Variants in VWC2L observed in about 807,000 individuals in gnomAD.
VWC2L encodes von Willebrand factor C domain-containing protein 2-like.
VWC2L carries 10 observed loss-of-function variants against 21.6 expected under a neutral mutation model. The observed-to-expected ratio is 0.46, with a 90% CI of 0.29 to 0.78. The LOEUF is 0.78. Among genes scored for constraint, VWC2L ranks in the 30% least tolerant of loss-of-function variants. The probability of loss-of-function intolerance (pLI) is 0.10; values close to 1 mark genes in which losing one functional copy is unlikely to be tolerated. For synonymous variants in VWC2L, 96 were observed against 94.3 expected (o/e 1.02, Z -0.10); for missense variants, 209 against 277.1 (o/e 0.75, Z 1.74).
chr2:214,433,725 G>A (rs995464866), intron 2 of VWC2L, among the ~76,000 whole-genome samples: 1 of 152,212 alleles, frequency 6.6e-6, no homozygotes, highest in South Asian at 2.1e-4. Context: ...TGCTGTTCAA[G>A]CAGTATCTTT....
intron 3 of VWC2L, among the ~76,000 whole-genome samples, chr2:214,467,099 C>T (rs1374983439): frequency 6.6e-6 from 1 of 152,214 alleles, no homozygotes; most frequent in Non-Finnish European, 1.5e-5. Context: ...ATTTGTTCAG[C>T]ATTACCAGTA....
intron 3 of VWC2L, among the ~76,000 whole-genome samples, chr2:214,464,267 T>A (rs1484989871): frequency 6.6e-6 from 1 of 152,156 alleles, no homozygotes; most frequent in Non-Finnish European, 1.5e-5. Context: ...GTCTTCATAG[T>A]CTGGGCTTGT....
intron 3 of VWC2L, among the ~76,000 whole-genome samples, chr2:214,446,488 G>A (rs115990783): frequency 2.4e-4 from 36 of 152,184 alleles, no homozygotes; most frequent in African/African-American, 8.4e-4. Flanking sequence ...TTAGATTTTA[G>A]AAGTATTATT....
rs560705102 is a variant in VWC2L at position 214,565,486 on chromosome 2, T to A, written c.521-10186T>A. 5.9e-5 allele frequency among the ~76,000 whole-genome samples: 9 copies of A among 152,334 alleles called. No homozygotes were observed. In the East Asian group the frequency reaches 1.7e-3, roughly 29 times the overall value. On this transcript the variant is annotated intron_variant, in intron 3 of 3. Coordinates refer to ENST00000312504, the MANE Select transcript of VWC2L (RefSeq NM_001080500.4). ...TACCTCCCCTGACCCTACCTAATGA[T>A]GTGCTGTCTATTCAGATGTTTTCAT...
intron 3 of VWC2L, among the ~76,000 whole-genome samples, chr2:214,537,923 G>A (rs1474307147): frequency 7.3e-6 from 1 of 136,338 alleles, no homozygotes; most frequent in Non-Finnish European, 1.6e-5. Context: ...TTTTTGGTGG[G>A]CTTGCCACGT....
At position 214,414,471 on chromosome 2, in the gene VWC2L, T is replaced by A; in HGVS notation, c.278T>A (p.Ile93Asn). The change falls in exon 2 of 4, where the codon ATT (isoleucine) becomes AAT (asparagine). Residue 93 changes from isoleucine (I) to asparagine (N), a missense_variant. Physicochemically the swap from Ile to Asn is moderately radical, Grantham distance 149. Coordinates refer to ENST00000312504, the MANE Select transcript of VWC2L (RefSeq NM_001080500.4). ...PVCDQPECPK[I>N]HPKCTKVEHN... is the part of the protein sequence containing the mutation. ...TGCGACCAACCAGAATGCCCTAAAA[T>A]TCACCCAAAGTGTACTAAAGTGGAA... is the stretch of plus-strand genomic sequence containing the variant. The A allele has an allele frequency of 6.2e-7, 1 of 1,613,536 alleles. No homozygotes were observed. Among genetic ancestry groups the A allele is most frequent in the Non-Finnish European group, 8.5e-7 (1 of 1,179,668 alleles).
In VWC2L at chr2:214,421,808, T is replaced by C. The variant is rs1003562327; in HGVS notation, c.390+7225T>C. Among the ~76,000 whole-genome samples the C allele has an allele frequency of 2.0e-5, 3 of 151,682 alleles. No homozygotes were observed. The East Asian group carries it at 5.8e-4, about 29-fold the overall frequency. On this transcript the variant is annotated intron_variant, in intron 2 of 3. Transcript: ENST00000312504. ...GTTAAAAAAAATTGCCTATTTTTAA[T>C]TGTTTCTCCTCACCAAAAGACAGAA... is the stretch of plus-strand genomic sequence containing the variant.
intron 3 of VWC2L, among the ~76,000 whole-genome samples, chr2:214,513,671 A>G (rs79704741): frequency 0.01 from 1,554 of 152,160 alleles, 37 homozygotes; most frequent in African/African-American, 0.036. Context: ...TTTAGTGCCA[A>G]TCAAAGCTTG....
rs1011803721 is a variant in VWC2L at position 214,478,317 on chromosome 2, A to T, written c.520+41559A>T. ...AACACGGTGAAACCCCGTCTCTATT[A>T]AAAATACAAAAACTAGCTGGGCGTG... On this transcript the variant is annotated intron_variant, in intron 3 of 3. Coordinates refer to ENST00000312504, the MANE Select transcript of VWC2L (RefSeq NM_001080500.4). 5.3e-5 allele frequency among the ~76,000 whole-genome samples: 8 copies of T among 152,254 alleles called. 1 individual carries two copies. The highest frequency in any genetic ancestry group is 2.0e-4 in the Admixed American group (3 of 15,298).
chr2:214,482,487 G>A (rs1688616380), intron 3 of VWC2L, among the ~76,000 whole-genome samples: 1 of 150,742 alleles, frequency 6.6e-6, no homozygotes, highest in South Asian at 2.1e-4. Flanking sequence ...GTGTATGTAT[G>A]TATGTATGTA....
intron 2 of VWC2L, among the ~76,000 whole-genome samples, chr2:214,416,624 A>G (rs1251377368): frequency 6.6e-6 from 1 of 152,060 alleles, no homozygotes; most frequent in Admixed American, 6.6e-5. Flanking sequence ...AAATGCTGCC[A>G]TTCTAACATA....
intron 3 of VWC2L, among the ~76,000 whole-genome samples, chr2:214,491,879 T>C (rs1230419163): frequency 6.6e-6 from 1 of 152,198 alleles, no homozygotes; most frequent in Non-Finnish European, 1.5e-5. Context: ...ATAGTAAACA[T>C]TCTTCTCCCC....
intron 3 of VWC2L, among the ~76,000 whole-genome samples, chr2:214,545,391 G>C (rs533779635): frequency 1.6e-4 from 24 of 152,240 alleles, no homozygotes; most frequent in African/African-American, 5.5e-4. Context: ...ATTACACATG[G>C]CTGTTGCTTT....
At chr2:214,535,023 T>C (rs529823783) in intron 3 of VWC2L, among the ~76,000 whole-genome samples, 5 of 152,096 alleles carry the variant, frequency 3.3e-5, no homozygotes, top group African/African-American at 1.2e-4. Context: ...CAAAAACGGA[T>C]AGGCGGAATG....
chr2:214,470,741 T>G (rs1268679821), intron 3 of VWC2L, among the ~76,000 whole-genome samples: 1 of 151,444 alleles, frequency 6.6e-6, no homozygotes, highest in African/African-American at 2.4e-5. Flanking sequence ...AAACCCCATC[T>G]CTACTAAAAA....
rs115728184 is a variant in VWC2L, at chr2:214,435,096, C to T, written c.391-1533C>T. The stretch of plus-strand genomic sequence containing the variant: ...GTCTGCTTGGGAATTTTAGATATCA[C>T]GATGAGGTTTGCAAAATAAGGAGCA... On this transcript the variant is annotated intron_variant, in intron 2 of 3. Coordinates refer to ENST00000312504, the MANE Select transcript of VWC2L (RefSeq NM_001080500.4). 2.6e-3 allele frequency among the ~76,000 whole-genome samples: 392 copies of T among 152,250 alleles called. 1 individual carries two copies. The highest frequency in any genetic ancestry group is 9.1e-3 in the African/African-American group (378 of 41,560).
At chr2:214,558,273 T>C (rs1689905900) in intron 3 of VWC2L, among the ~76,000 whole-genome samples, 1 of 152,182 alleles carries the variant, frequency 6.6e-6, no homozygotes, top group Non-Finnish European at 1.5e-5. Flanking sequence ...AGGCCCTCTT[T>C]CTTCTTGCAG....
chr2:214,414,433 A>G lies in VWC2L; in HGVS notation c.240A>G (p.Leu80=). The G allele has an allele frequency of 6.2e-7, 1 of 1,613,662 alleles. No individual in the cohort carries two copies. Among genetic ancestry groups the G allele is most frequent in the Non-Finnish European group, 8.5e-7 (1 of 1,179,716 alleles). Residue 80 remains leucine, a synonymous_variant, in exon 2 of 4, where the codon CTA becomes CTG. Transcript: ENST00000312504. ...GHSNCPCVCA[L]DGPVCDQPEC... ...CCAACTGTCCATGTGTCTGTGCTCT[A>G]GATGGACCTGTTTGCGACCAACCAG...
At chr2:214,547,856 T>C (rs1379974298) in intron 3 of VWC2L, among the ~76,000 whole-genome samples, 3 of 152,228 alleles carry the variant, frequency 2.0e-5, no homozygotes, top group African/African-American at 7.2e-5. Context: ...TACTAATAGT[T>C]GGAAAAAGAT....
Sources: gnomAD v4.1 joint callset for allele counts (sites outside exome capture counted in the v4.1 genomes callset) on GRCh38, gnomAD v4.1.1 for gene constraint, MANE v1.5 for transcripts, NCBI Gene and HGNC (gene_info 2026-07-23, HGNC 2026-07-21) for gene names.